The following CMPK1 variants were observed in gnomAD, a reference collection of about 807,000 sequenced individuals.
CMPK1 encodes the protein UMP-CMP kinase.
In CMPK1, 10 loss-of-function variants were observed where a neutral mutation model predicts 25.7. That is an observed-to-expected ratio of 0.39 (90% CI 0.24 to 0.66). The LOEUF is 0.66. Among genes scored for constraint, CMPK1 ranks in the 30% least tolerant of loss-of-function variants. The pLI, the probability that CMPK1 is intolerant of heterozygous loss-of-function variation, is 0.48. For synonymous variants in CMPK1, 106 were observed against 101.5 expected (o/e 1.04, Z -0.27); for missense variants, 199 against 280.5 (o/e 0.71, Z 2.08).
At chr1:47,362,415 G>A (rs775689454) in intron 1 of CMPK1, among the ~76,000 whole-genome samples, 7 of 151,742 alleles carry the variant, frequency 4.6e-5, no homozygotes, top group Non-Finnish European at 8.8e-5. Context: ...TGATCCGCCC[G>A]ACTTGGCCTC....
chr1:47,337,066 C>T (rs376070497), intron 1 of CMPK1, among the ~76,000 whole-genome samples: 2 of 152,246 alleles, frequency 1.3e-5, no homozygotes, highest in South Asian at 4.1e-4. Flanking sequence ...GGGTGGATCA[C>T]GAGGTCAGGA....
chr1:47,337,609 A>G (rs1428447345), intron 1 of CMPK1, among the ~76,000 whole-genome samples: 1 of 144,894 alleles, frequency 6.9e-6, no homozygotes, highest in East Asian at 2.0e-4. Flanking sequence ...AGACACTGGA[A>G]TATCTATTTT....
chr1:47,368,420 C>T (rs1433918801), intron 1 of CMPK1, 49 bp from the exon 2 acceptor site: 2 of 1,505,558 alleles, frequency 1.3e-6, no homozygotes, highest in African/African-American at 1.4e-5. Flanking sequence ...ATAGTCCTAC[C>T]ACTGGGTTGA....
In CMPK1 at chr1:47,366,287, CTGT is replaced by C. The variant is rs1269379123; in HGVS notation, c.172-2177_172-2175del. ...ATGGTTTTGAGTGTTGCTTTTAAGA[CTGT>C]TGTTAGTTACCCACTAAGTTTTAAT... On this transcript the variant is annotated intron_variant, in intron 1 of 5. Transcript: ENST00000371873. Among the ~76,000 whole-genome samples, 7 of 152,262 alleles carry C rather than the reference CTGT, an allele frequency of 4.6e-5. No homozygotes were observed. In the East Asian group the frequency reaches 1.2e-3, roughly 25 times the overall value.
At position 47,366,164 on chromosome 1, in the gene CMPK1, C is replaced by T. The variant is rs548539255; in HGVS notation, c.172-2305C>T. ...AGCAGAGATGGTGCTCCAGCCTAGG[C>T]GACAGAGCAAGACCCTGTCTGAACA... On this transcript the variant is annotated intron_variant, in intron 1 of 5. Coordinates refer to ENST00000371873, the MANE Select transcript of CMPK1 (RefSeq NM_016308.3). Among the ~76,000 whole-genome samples, 19 of 152,066 alleles carry T rather than the reference C, an allele frequency of 1.2e-4. No homozygotes were observed. The South Asian group carries it at 1.7e-3, about 13-fold the overall frequency.
chr1:47,356,564 A>G (rs759817365), intron 1 of CMPK1, among the ~76,000 whole-genome samples: 1 of 151,580 alleles, frequency 6.6e-6, no homozygotes. Context: ...GACAAATGCC[A>G]ATCAAAGTTT....
intron 1 of CMPK1, among the ~76,000 whole-genome samples, chr1:47,344,913 CATTT>C (rs780339668): frequency 2.0e-5 from 3 of 151,868 alleles, no homozygotes; most frequent in Admixed American, 1.3e-4. Flanking sequence ...ACACGTTTTT[CATTT>C]ATTTATTTAT....
intron 1 of CMPK1, among the ~76,000 whole-genome samples, chr1:47,335,106 TTGG>T (rs1646386714): frequency 6.6e-6 from 1 of 152,156 alleles, no homozygotes; most frequent in Admixed American, 6.5e-5. Context: ...GAGGCGACCA[TTGG>T]TGGCCTCTAG....
chr1:47,355,506 G>A (rs963040961), intron 1 of CMPK1, among the ~76,000 whole-genome samples: 8 of 151,738 alleles, frequency 5.3e-5, no homozygotes, highest in Admixed American at 5.3e-4. Flanking sequence ...GTAGAGACGG[G>A]GTTTTAGCAT....
chr1:47,362,563 C>T (rs1188827096), intron 1 of CMPK1, among the ~76,000 whole-genome samples: 1 of 152,160 alleles, frequency 6.6e-6, no homozygotes, highest in Non-Finnish European at 1.5e-5. Context: ...AGCAATTCTC[C>T]TGCCTCAGCC....
intron 1 of CMPK1, among the ~76,000 whole-genome samples, chr1:47,338,170 CAGA>C (rs1052619875): frequency 4.4e-4 from 67 of 152,100 alleles, no homozygotes; most frequent in African/African-American, 1.5e-3. Flanking sequence ...CTCAGGCTGC[CAGA>C]AGTACATATT....
intron 1 of CMPK1, among the ~76,000 whole-genome samples, chr1:47,357,559 A>G (rs1646570878): frequency 6.8e-6 from 1 of 148,002 alleles, no homozygotes. Flanking sequence ...ATCTCAGCTC[A>G]CTGCAACCTC....
At chr1:47,361,844 T>C (rs1646604877) in intron 1 of CMPK1, among the ~76,000 whole-genome samples, 1 of 151,570 alleles carries the variant, frequency 6.6e-6, no homozygotes, top group African/African-American at 2.4e-5. Flanking sequence ...TTCTCCTTTC[T>C]AGGATATAAG....
intron 1 of CMPK1, among the ~76,000 whole-genome samples, chr1:47,365,713 G>C (rs1390046101): frequency 6.6e-6 from 1 of 151,296 alleles, no homozygotes; most frequent in Non-Finnish European, 1.5e-5. Context: ...CATTTGCCTA[G>C]TTGTAGTAAA....
intron 1 of CMPK1, among the ~76,000 whole-genome samples, chr1:47,364,985 G>A (rs2246708): frequency 6.6e-6 from 1 of 152,142 alleles, no homozygotes; most frequent in Non-Finnish European, 1.5e-5. Flanking sequence ...GGTCTTGAGC[G>A]TCTGACCTCA....
chr1:47,374,431 A>G (rs1646695188), intron 3 of CMPK1, among the ~76,000 whole-genome samples: 1 of 152,192 alleles, frequency 6.6e-6, no homozygotes, highest in South Asian at 2.1e-4. Context: ...TTCAAAGTTA[A>G]CTTTAGAATG....
At chr1:47,353,662 G>C (rs761106118) in intron 1 of CMPK1, among the ~76,000 whole-genome samples, 17 of 151,906 alleles carry the variant, frequency 1.1e-4, no homozygotes, top group Non-Finnish European at 2.5e-4. Context: ...TTATTTTGCT[G>C]TGCTCTTAGG....
intron 1 of CMPK1, among the ~76,000 whole-genome samples, chr1:47,351,130 G>T (rs548162060): frequency 6.6e-4 from 100 of 151,994 alleles, no homozygotes; most frequent in African/African-American, 2.4e-3. Flanking sequence ...GTTGCCCAGG[G>T]TGGAGTTCAG....
intron 1 of CMPK1, among the ~76,000 whole-genome samples, chr1:47,360,133 G>A (rs1646591516): frequency 6.6e-6 from 1 of 152,304 alleles, no homozygotes; most frequent in South Asian, 2.1e-4. Context: ...AGACCCCTGT[G>A]CCTATCCATT....
Sources: allele counts gnomAD v4.1 joint callset (sites outside exome capture counted in the v4.1 genomes callset), GRCh38; gene constraint gnomAD v4.1.1; transcripts MANE v1.5; gene names NCBI Gene and HGNC (gene_info 2026-07-23, HGNC 2026-07-21).